Variants in NBPF3 observed in about 807,000 individuals in gnomAD.
NBPF3 encodes NBPF family member NBPF3.
In NBPF3, 57 loss-of-function variants were observed where a neutral mutation model predicts 78.1. The observed-to-expected ratio is 0.73, with a 90% CI of 0.59 to 0.91. The LOEUF (loss-of-function observed/expected upper bound fraction) is 0.91, where lower values mean the gene tolerates loss of function less well. NBPF3 is among the 40% of genes least tolerant of loss of function. NBPF3 has a pLI of 0.00. For synonymous variants in NBPF3, 182 were observed against 271.7 expected, an observed-to-expected ratio of 0.67 and a Z score of 3.25; for missense variants, 510 against 715.3, an observed-to-expected ratio of 0.71 and a Z score of 3.27.
At chr1:21,471,539 T>C in intron 4 of NBPF3, 30 bp from the exon 5 acceptor site, 1 of 1,611,654 alleles carries the variant, frequency 6.2e-7, no homozygotes, top group Non-Finnish European at 8.5e-7. Flanking sequence ...CCCTTTCCAC[T>C]GTTAAATTTT....
At chr1:21,479,499 G>A (rs1172770066) in intron 10 of NBPF3, 99 bp downstream of exon 10, 5 of 1,037,242 alleles carry the variant, frequency 4.8e-6, no homozygotes, top group Non-Finnish European at 5.9e-6. Context: ...ATTTCATCTT[G>A]TCAGACAAGT....
intron 2 of NBPF3, among the ~76,000 whole-genome samples, chr1:21,461,324 A>G (rs1641936987): frequency 2.7e-5 from 2 of 75,284 alleles, no homozygotes; most frequent in Non-Finnish European, 6.4e-5. Context: ...AGAAAAATGG[A>G]TATCAAATTG....
intron 4 of NBPF3, 77 bp downstream of exon 4, chr1:21,470,811 T>A: frequency 1.0e-6 from 1 of 953,818 alleles, no homozygotes; most frequent in Non-Finnish European, 1.6e-6. Context: ...CAGGGAGAAC[T>A]AAGAGCTGAA....
rs886351035 is a variant in NBPF3 at position 21,479,216 on chromosome 1, A to T, written c.1157-133A>T. On this transcript the variant is annotated intron_variant, in intron 9 of 14. Transcript: ENST00000318249. ...AAGACTTGCCCTCAGGCCTCCTGGT[A>T]TATTTCTCTCAAAGTCTCCTATTCT... 1.7e-5 allele frequency: 17 copies of T among 987,880 alleles called. No homozygotes were observed. In the African/African-American group the frequency reaches 2.4e-4, roughly 14 times the overall value. 61.2% of individuals were successfully genotyped at this position (987,880 alleles called of 1,614,324 possible). A position where few individuals can be genotyped will look rare whatever the true frequency, so the allele number is the denominator to read the frequency against.
chr1:21,437,407 C>G (rs1640446229), upstream of NBPF3: 3 of 1,107,678 alleles, frequency 2.7e-6, no homozygotes, highest in Admixed American at 2.5e-5. Flanking sequence ...AATCCTGGCT[C>G]TCAAACGTAG....
intron 2 of NBPF3, among the ~76,000 whole-genome samples, chr1:21,452,708 G>A (rs1241718661): frequency 6.6e-6 from 1 of 152,256 alleles, no homozygotes; most frequent in Non-Finnish European, 1.5e-5. Flanking sequence ...GCTGACAGTG[G>A]CTGATGCTGC....
intron 10 of NBPF3, among the ~76,000 whole-genome samples, chr1:21,479,818 C>CTA: frequency 2.3e-5 from 1 of 43,948 alleles, no homozygotes; most frequent in African/African-American, 4.5e-5. Context: ...CTCTCTCTCT[C>CTA]TCTGTGTGTG....
At chr1:21,468,490 G>GC (rs1642399185) in intron 2 of NBPF3, 198 bp from the exon 3 acceptor site, 2 of 1,445,904 alleles carry the variant, frequency 1.4e-6, no homozygotes, top group Non-Finnish European at 1.8e-6. Flanking sequence ...TGAGCTATTG[G>GC]CAGTGCCTTC....
chr1:21,452,382 G>A (rs1641361916), intron 2 of NBPF3, among the ~76,000 whole-genome samples: 1 of 152,142 alleles, frequency 6.6e-6, no homozygotes, highest in Non-Finnish European at 1.5e-5. Context: ...GGATGCCTTA[G>A]GATACATGCT....
intron 1 of NBPF3, chr1:21,440,999 C>T (rs139630549): frequency 1.3e-5 from 2 of 152,312 alleles, no homozygotes; most frequent in Admixed American, 1.3e-4. Flanking sequence ...TTTCTGGCTT[C>T]TTAGATCATC....
At chr1:21,471,085 T>G (rs1432094397) in intron 4 of NBPF3, among the ~76,000 whole-genome samples, 1 of 152,318 alleles carries the variant, frequency 6.6e-6, no homozygotes, top group East Asian at 1.9e-4. Context: ...AATCAGCTCC[T>G]GACTGACTGC....
chr1:21,451,554 G>A (rs566065715), intron 2 of NBPF3, among the ~76,000 whole-genome samples: 5 of 152,334 alleles, frequency 3.3e-5, no homozygotes, highest in African/African-American at 1.2e-4. Flanking sequence ...ATGGGATACA[G>A]GACACCTGTC....
chr1:21,437,591 A>G (rs1023833769), upstream of NBPF3: 120 of 698,418 alleles, frequency 1.7e-4, no homozygotes, highest in Non-Finnish European at 2.4e-4. Flanking sequence ...TGGGCATAAC[A>G]CCAGTCGAGC....
intron 3 of NBPF3, 31 bp downstream of exon 3, chr1:21,468,928 C>T (rs377293577): frequency 1.3e-5 from 19 of 1,512,458 alleles, no homozygotes; most frequent in Middle Eastern, 3.4e-4. Context: ...ATCACAAAAG[C>T]GATGAATGAT....
chr1:21,450,515 A>C (rs1641249466), intron 2 of NBPF3, among the ~76,000 whole-genome samples: 1 of 152,180 alleles, frequency 6.6e-6, no homozygotes, highest in Admixed American at 6.5e-5. Context: ...ATGCTGTCTC[A>C]TCACCTTAAC....
intron 2 of NBPF3, among the ~76,000 whole-genome samples, chr1:21,458,137 T>A (rs964703974): frequency 6.6e-6 from 1 of 152,206 alleles, no homozygotes; most frequent in African/African-American, 2.4e-5. Flanking sequence ...CCTTATCTTG[T>A]CTCCTGCTAA....
chr1:21,473,588 A>G lies in NBPF3; in HGVS notation c.940+3A>G, dbSNP rs762367983. 9.3e-6 allele frequency: 15 copies of G among 1,612,884 alleles called. No individual in the cohort carries two copies. Among genetic ancestry groups the G allele is most frequent in the Non-Finnish European group, 1.3e-5 (15 of 1,178,936 alleles). On this transcript the variant is annotated splice_donor_region_variant and intron_variant, in intron 7 of 14. Transcript: ENST00000318249. ...GGATGCTGTATGCATTATCCCAGGTAGCCTCTATTTTCCTGTGTCTCACAC... is the reference window on the plus strand; with the variant it reads ...GGATGCTGTATGCATTATCCCAGGTGGCCTCTATTTTCCTGTGTCTCACAC...
Position 21,476,553 on chromosome 1 carries a change from T to C in NBPF3, c.993-1591T>C, listed in dbSNP as rs1642898354. Among the ~76,000 whole-genome samples the C allele has an allele frequency of 6.6e-6, 1 of 152,170 alleles. No individual in the cohort carries two copies. The highest frequency in any genetic ancestry group is 1.5e-5 in the Non-Finnish European group (1 of 68,034). On this transcript the variant is annotated intron_variant, in intron 8 of 14. Coordinates refer to ENST00000318249, the MANE Select transcript of NBPF3 (RefSeq NM_032264.6). This position sits in a 1 kb window ranked among gnomAD's most constrained non-coding sequence, Gnocchi z 4.1. ...ACTTTTGAAGCTTAGTTTCGCTGAG[T>C]ATGAAATTCTGGGTTGAAAATTCTT... is the stretch of plus-strand genomic sequence containing the variant.
In NBPF3 at chr1:21,470,742, G is replaced by A. The variant is rs1558498230; in HGVS notation, c.446+8G>A. ...GCAAGCTGAGGAGCTCAGGTGAGTG[G>A]GCCCCCTGGGGTCAGGCAGGTGGGC... On this transcript the variant is annotated splice_region_variant and intron_variant, in intron 4 of 14. Transcript: ENST00000318249. 6.3e-7 allele frequency: 1 copy of A among 1,585,550 alleles called. No individual in the cohort carries two copies. The highest frequency in any genetic ancestry group is 1.7e-5 in the Admixed American group (1 of 59,208).
Sources: allele counts gnomAD v4.1 joint callset (sites outside exome capture counted in the v4.1 genomes callset), GRCh38; gene constraint gnomAD v4.1.1; non-coding constraint Gnocchi (gnomAD v3.1); transcripts MANE v1.5; gene names NCBI Gene and HGNC (gene_info 2026-07-23, HGNC 2026-07-21).